Variants in COL4A1 observed in about 807,000 individuals in gnomAD.
COL4A1 encodes collagen alpha-1(IV) chain.
A neutral mutation model predicts 216.6 loss-of-function variants in COL4A1; 40 were observed. That is an observed-to-expected ratio of 0.18 (90% CI 0.14 to 0.24). The LOEUF is 0.24. Among genes scored for constraint, COL4A1 ranks in the 10% least tolerant of loss-of-function variants. The pLI is 1.00. For synonymous variants in COL4A1, 839 were observed against 810.7 expected, an observed-to-expected ratio of 1.03 and a Z score of -0.59; for missense variants, 1,628 against 2,196.8, an observed-to-expected ratio of 0.74 and a Z score of 5.18.
At chr13:110,249,183 CG>C (rs967811629) in intron 1 of COL4A1, among the ~76,000 whole-genome samples, 29 of 151,918 alleles carry the variant, frequency 1.9e-4, no homozygotes, top group African/African-American at 6.8e-4. Context: ...TGACCTTCTG[CG>C]GGGGTGTGGC....
intron 1 of COL4A1, among the ~76,000 whole-genome samples, chr13:110,253,776 TATATATAC>T (rs1290683622): frequency 1.7e-4 from 21 of 122,762 alleles, no homozygotes; most frequent in Non-Finnish European, 3.4e-4. Context: ...ATGTATGTAT[TATATATAC>T]GTATAATTAT....
intron 1 of COL4A1, among the ~76,000 whole-genome samples, chr13:110,275,583 C>T (rs576347095): frequency 3.3e-5 from 5 of 152,334 alleles, no homozygotes; most frequent in South Asian, 2.1e-4. Flanking sequence ...TATGTCCACA[C>T]GAAACCCTGC....
intron 12 of COL4A1, among the ~76,000 whole-genome samples, chr13:110,208,612 CGTT>C (rs1380571100): frequency 6.6e-6 from 1 of 152,166 alleles, no homozygotes; most frequent in African/African-American, 2.4e-5. Flanking sequence ...GAGTTAGTCT[CGTT>C]GTTCTCTGCT....
At chr13:110,217,884 G>A (rs1050904215) in intron 2 of COL4A1, among the ~76,000 whole-genome samples, 1 of 152,188 alleles carries the variant, frequency 6.6e-6, no homozygotes, top group Non-Finnish European at 1.5e-5. Context: ...TAAAATTCTT[G>A]CTTAATGCAT....
At chr13:110,256,865 A>G (rs1257788267) in intron 1 of COL4A1, among the ~76,000 whole-genome samples, 1 of 152,162 alleles carries the variant, frequency 6.6e-6, no homozygotes, top group African/African-American at 2.4e-5. Flanking sequence ...GATTAATTTA[A>G]TATTACTTCC....
chr13:110,198,095 GT>G (rs1225341349), intron 21 of COL4A1, among the ~76,000 whole-genome samples: 2 of 151,654 alleles, frequency 1.3e-5, no homozygotes, highest in African/African-American at 4.8e-5. Flanking sequence ...GTGTGTGTGT[GT>G]GTGTGTGTGT....
intron 2 of COL4A1, among the ~76,000 whole-genome samples, chr13:110,226,407 C>G (rs1046870787): frequency 1.3e-5 from 2 of 152,318 alleles, no homozygotes; most frequent in South Asian, 4.1e-4. Flanking sequence ...CGACATACAC[C>G]GGTCTGAAAT....
At chr13:110,163,417 A>G in intron 47 of COL4A1, 46 bp downstream of exon 47, 1 of 1,571,456 alleles carries the variant, frequency 6.4e-7, no homozygotes, top group Non-Finnish European at 8.8e-7. Flanking sequence ...CTTCTATCCC[A>G]AAGATCCTGG....
intron 1 of COL4A1, among the ~76,000 whole-genome samples, chr13:110,289,053 G>A (rs7998875): frequency 6.6e-6 from 1 of 152,212 alleles, no homozygotes; most frequent in Non-Finnish European, 1.5e-5. Context: ...AAAAAGATGC[G>A]TGTCACAGGC....
intron 2 of COL4A1, among the ~76,000 whole-genome samples, chr13:110,218,512 C>T (rs887723111): frequency 8.5e-5 from 13 of 152,174 alleles, no homozygotes; most frequent in Admixed American, 2.6e-4. Flanking sequence ...AACTTCTTCA[C>T]AGGCAATGAA....
intron 1 of COL4A1, among the ~76,000 whole-genome samples, chr13:110,261,989 G>A (rs945158082): frequency 1.4e-4 from 22 of 152,334 alleles, no homozygotes; most frequent in African/African-American, 5.3e-4. Flanking sequence ...GGGAAGCTGG[G>A]AAACACTGGG....
intron 43 of COL4A1, among the ~76,000 whole-genome samples, chr13:110,167,578 C>T (rs1877404490): frequency 1.3e-5 from 2 of 152,212 alleles, no homozygotes; most frequent in African/African-American, 4.8e-5. Context: ...CCTGTGACGG[C>T]AACATAGCCA....
At chr13:110,229,729 G>A in intron 2 of COL4A1, among the ~76,000 whole-genome samples, 1 of 152,210 alleles carries the variant, frequency 6.6e-6, no homozygotes, top group East Asian at 1.9e-4. Context: ...GAATCTGCTG[G>A]AGCCTTGATC....
chr13:110,289,673 AT>A (rs1435343997), intron 1 of COL4A1, among the ~76,000 whole-genome samples: 1 of 152,206 alleles, frequency 6.6e-6, no homozygotes. Context: ...CGCTATCTGT[AT>A]TTTGGGTTAA....
At chr13:110,164,074 G>A (rs898887196) in intron 46 of COL4A1, among the ~76,000 whole-genome samples, 1 of 138,226 alleles carries the variant, frequency 7.2e-6, no homozygotes, top group Admixed American at 8.3e-5. Flanking sequence ...CTGCAGCCTC[G>A]ACCTCCCGGG....
rs182750936 is a variant in COL4A1 at position 110,256,512 on chromosome 13, G to A, written c.85-13778C>T. On this transcript the variant is annotated intron_variant, in intron 1 of 51. Coordinates refer to ENST00000375820, the MANE Select transcript of COL4A1 (RefSeq NM_001845.6). The stretch of plus-strand genomic sequence containing the variant: ...CCTCAGAGCCCAGAACCACAGGGAG[G>A]ATGTCAGTGCCCGGGAAAGCAAAGG... 1.8e-4 allele frequency among the ~76,000 whole-genome samples: 28 copies of A among 152,338 alleles called. No homozygotes were observed. The East Asian group carries it at 5.4e-3, about 29-fold the overall frequency.
intron 1 of COL4A1, among the ~76,000 whole-genome samples, chr13:110,299,598 C>T (rs923002420): frequency 1.3e-5 from 2 of 152,194 alleles, no homozygotes; most frequent in Non-Finnish European, 2.9e-5. Context: ...AAGACCAGGG[C>T]CCACACATTT....
At chr13:110,228,956 G>A (rs567298108) in intron 2 of COL4A1, among the ~76,000 whole-genome samples, 24 of 152,320 alleles carry the variant, frequency 1.6e-4, no homozygotes, top group South Asian at 2.1e-4. Context: ...AACTTGGAAC[G>A]TGATTTTTCA....
rs1228957384 is a variant in COL4A1 at position 110,203,661 on chromosome 13, G to A, written c.958-54C>T. On this transcript the variant is annotated intron_variant, in intron 17 of 51. Transcript: ENST00000375820. ...ATATTCTTACTATAAAGATTGTCTTGCAGAAAGCAGATTAAACATTTCTTC... is the reference window on the plus strand; with the variant it reads ...ATATTCTTACTATAAAGATTGTCTTACAGAAAGCAGATTAAACATTTCTTC... 3.2e-6 allele frequency: 5 copies of A among 1,582,130 alleles called. No individual in the cohort carries two copies. The South Asian group carries it at 3.3e-5, about 10-fold the overall frequency.
Sources: gnomAD v4.1 joint callset for allele counts (sites outside exome capture counted in the v4.1 genomes callset) on GRCh38, gnomAD v4.1.1 for gene constraint, MANE v1.5 for transcripts, NCBI Gene and HGNC (gene_info 2026-07-23, HGNC 2026-07-21) for gene names.